Variants in DMD observed in about 807,000 individuals in gnomAD.
DMD encodes the protein mutant dystrophin.
In DMD, 63 loss-of-function variants were observed where a neutral mutation model predicts 330.1. The ratio of observed to expected loss-of-function variants is 0.19; its 90% CI spans 0.16 to 0.24. DMD has a LOEUF of 0.24. DMD is among the 10% of genes least tolerant of loss of function. The pLI is 1.00. For synonymous variants in DMD, 1,223 were observed against 959.8 expected, an observed-to-expected ratio of 1.27 and a Z score of -5.07; for missense variants, 3,344 against 2,684.1, an observed-to-expected ratio of 1.25 and a Z score of -5.43.
chrX:31,544,455 G>T (rs1395678237), intron 55 of DMD, among the ~76,000 whole-genome samples: 2 of 110,994 alleles, frequency 1.8e-5, no homozygotes, highest in African/African-American at 6.6e-5. Flanking sequence ...CCCTGAAGCA[G>T]GTCATGAGAC....
chrX:31,122,419 A>G (rs1212149498), intron 78 of DMD, among the ~76,000 whole-genome samples: 1 of 110,735 alleles, frequency 9.0e-6, no homozygotes, highest in Non-Finnish European at 1.9e-5. Context: ...CATCACCAGC[A>G]CCCAACCATC....
chrX:31,784,699 G>C (rs973234207), intron 50 of DMD, among the ~76,000 whole-genome samples: 2 of 111,223 alleles, frequency 1.8e-5, no homozygotes, highest in Non-Finnish European at 3.8e-5. Flanking sequence ...GACATATTGG[G>C]TTGCAGCATG....
chrX:32,125,325 T>G (rs2096656440), intron 44 of DMD, among the ~76,000 whole-genome samples: 2 of 111,621 alleles, frequency 1.8e-5, no homozygotes, highest in South Asian at 3.7e-4. Flanking sequence ...ATAATGGTAG[T>G]TGACGGACAG....
chrX:32,265,225 T>A (rs2097339665), intron 43 of DMD, among the ~76,000 whole-genome samples: 1 of 111,877 alleles, frequency 8.9e-6, no homozygotes, highest in African/African-American at 3.3e-5. Flanking sequence ...TCCCAGCCAC[T>A]CCAGCCATGG....
rs909802044 is a variant in DMD, at chrX:32,573,535, G to A, written c.1807C>T (p.Leu603=). The A allele has an allele frequency of 2.5e-6, 3 of 1,208,886 alleles. No individual in the cohort carries two copies. Among genetic ancestry groups the A allele is most frequent in the East Asian group, 3.0e-5 (1 of 33,811 alleles). The change falls in exon 15 of 79, where the codon CTG becomes TTG. Residue 603 remains leucine, a synonymous_variant. Coordinates refer to ENST00000357033, the MANE Select transcript of DMD (RefSeq NM_004006.3). ...QNEMLSSLQK[L]AVLKADLEKK... ...GAAAGCTAGAAAGTACATACGGCCAGTTTTTGAAGACTTGATAACATTTCA... is the reference window on the plus strand; with the variant it reads ...GAAAGCTAGAAAGTACATACGGCCAATTTTTGAAGACTTGATAACATTTCA...
chrX:32,573,554 C>T lies in DMD; in HGVS notation c.1788G>A (p.Met596Ile), dbSNP rs2052669244. The change falls in exon 15 of 79, where the codon ATG (methionine) becomes ATA (isoleucine). Residue 596 changes from methionine (M) to isoleucine (I), a missense_variant. By Grantham distance (10) the Met-to-Ile change is conservative (BLOSUM62 1). Transcript: ENST00000357033. ...CGGCCAGTTTTTGAAGACTTGATAA[C>T]ATTTCATTTTGATCTTTAAAGCCAG... ...HTTGFKDQNE[M>I]LSSLQKLAVL... is the part of the protein sequence containing the mutation. The T allele has an allele frequency of 8.3e-7, 1 of 1,211,270 alleles. No individual in the cohort carries two copies. The highest frequency in any genetic ancestry group is 1.1e-6 in the Non-Finnish European group (1 of 895,030).
chrX:32,464,006 T>C (rs1485026463), intron 24 of DMD, among the ~76,000 whole-genome samples: 2 of 111,562 alleles, frequency 1.8e-5, no homozygotes, highest in East Asian at 2.8e-4. Flanking sequence ...TTTTTTAGCT[T>C]GTATTGTAAA....
chrX:31,813,648 G>A (rs1464564315), intron 50 of DMD, among the ~76,000 whole-genome samples: 5 of 111,934 alleles, frequency 4.5e-5, no homozygotes, highest in Admixed American at 1.9e-4. Context: ...ATAGCAGTAT[G>A]AAAACTATGA....
intron 55 of DMD, among the ~76,000 whole-genome samples, chrX:31,595,738 GTTT>G (rs5901989): frequency 7.9e-5 from 8 of 100,762 alleles, no homozygotes; most frequent in African/African-American, 2.5e-4. Context: ...GACCTATGCT[GTTT>G]TTTTTTTTTG....
intron 55 of DMD, among the ~76,000 whole-genome samples, chrX:31,569,955 A>G (rs1305109730): frequency 1.8e-5 from 2 of 110,775 alleles, no homozygotes; most frequent in Non-Finnish European, 3.8e-5. Flanking sequence ...TTCTGTACGC[A>G]TGAGAGATTT....
chrX:32,373,016 T>A (rs1240824452), intron 34 of DMD, among the ~76,000 whole-genome samples: 1 of 110,517 alleles, frequency 9.0e-6, no homozygotes, highest in Non-Finnish European at 1.9e-5. Flanking sequence ...TCACTACTTC[T>A]GGAAGTTCTC....
intron 60 of DMD, among the ~76,000 whole-genome samples, chrX:31,407,912 CACA>C (rs1385717072): frequency 5.4e-5 from 6 of 111,612 alleles, no homozygotes; most frequent in African/African-American, 2.0e-4. Flanking sequence ...TTTTTATACA[CACA>C]ACATTTAACC....
At chrX:31,178,506 G>T (rs748275998) in intron 70 of DMD, 163 bp downstream of exon 70, 26 of 973,000 alleles carry the variant, frequency 2.7e-5, no homozygotes, top group Non-Finnish European at 3.1e-5. Flanking sequence ...ACGTGGGAAA[G>T]TGGCAACTGG....
intron 7 of DMD, among the ~76,000 whole-genome samples, chrX:32,704,811 G>A (rs1385671195): frequency 8.9e-6 from 1 of 112,076 alleles, no homozygotes; most frequent in Non-Finnish European, 1.9e-5. Flanking sequence ...CTCAAAATAT[G>A]AAAACAGAAA....
intron 59 of DMD, among the ~76,000 whole-genome samples, chrX:31,476,393 GTGTGTA>G (rs200254374): frequency 4.7e-4 from 39 of 82,711 alleles, no homozygotes; most frequent in African/African-American, 1.8e-3. Context: ...GTATGTGTGT[GTGTGTA>G]TATATATATA....
At chrX:32,784,232 A>G (rs2075160399) in intron 7 of DMD, among the ~76,000 whole-genome samples, 1 of 111,949 alleles carries the variant, frequency 8.9e-6, no homozygotes, top group Admixed American at 9.5e-5. Context: ...TATAGCTCTC[A>G]AAAAGGTTAA....
At chrX:31,529,288 A>C (rs1285184271) in intron 55 of DMD, among the ~76,000 whole-genome samples, 1 of 110,430 alleles carries the variant, frequency 9.1e-6, no homozygotes, top group South Asian at 3.9e-4. Flanking sequence ...AGTAGGCTGA[A>C]GGAGGAGGAT....
chrX:31,226,532 C>T, intron 63 of DMD, among the ~76,000 whole-genome samples: 1 of 111,765 alleles, frequency 8.9e-6, no homozygotes, highest in Middle Eastern at 4.6e-3. Context: ...TGGACGCTGT[C>T]CTTTAGTGAG....
At chrX:33,239,027 G>C (rs2052537174) in intron 1 of DMD, among the ~76,000 whole-genome samples, 1 of 109,494 alleles carries the variant, frequency 9.1e-6, no homozygotes. Flanking sequence ...GAGGCTGAGG[G>C]GGTTAGATCA....
Sources: allele counts gnomAD v4.1 joint callset (sites outside exome capture counted in the v4.1 genomes callset), GRCh38; gene constraint gnomAD v4.1.1; transcripts MANE v1.5; gene names NCBI Gene and HGNC (gene_info 2026-07-23, HGNC 2026-07-21).